FMN1: variants seen among roughly 807,000 people sequenced by gnomAD.
FMN1 encodes the protein formin 1.
Under a neutral mutation model 132.4 loss-of-function variants are expected in FMN1, and 110 were observed. That is an observed-to-expected ratio of 0.83 (90% CI 0.71 to 0.97). FMN1 has a LOEUF of 0.97. Ranked by LOEUF, FMN1 falls within the 50% of genes least tolerant of loss-of-function variation. The pLI, the probability that FMN1 is intolerant of heterozygous loss-of-function variation, is 0.00. For synonymous variants in FMN1, 722 were observed against 651.7 expected (o/e 1.11, Z -1.64); for missense variants, 1,792 against 1,705.3 (o/e 1.05, Z -0.90).
intron 9 of FMN1, among the ~76,000 whole-genome samples, chr15:32,960,625 C>T (rs930312208): frequency 5.3e-5 from 8 of 151,954 alleles, no homozygotes; most frequent in Non-Finnish European, 8.8e-5. Flanking sequence ...CTTTTTTCCC[C>T]TGTAATTTGC....
intron 17 of FMN1, among the ~76,000 whole-genome samples, chr15:32,810,399 CTA>C (rs2057832979): frequency 6.6e-6 from 1 of 152,190 alleles, no homozygotes; most frequent in Non-Finnish European, 1.5e-5. Flanking sequence ...TATGCCCATC[CTA>C]TGTCCTGCTT....
At chr15:33,063,822 TG>T (rs571346137) in intron 6 of FMN1, 48 of 152,372 alleles carry the variant, frequency 3.2e-4, no homozygotes, top group African/African-American at 1.1e-3. Flanking sequence ...TCTGCTCAGA[TG>T]AAACAATCAT....
intron 6 of FMN1, among the ~76,000 whole-genome samples, chr15:33,023,073 AAAAAG>A (rs1461806046): frequency 1.3e-5 from 1 of 78,774 alleles, no homozygotes; most frequent in African/African-American, 4.5e-5. Flanking sequence ...AAAAAAAAAA[AAAAAG>A]AAAAAAAAGA....
At chr15:33,112,335 T>C (rs1382895974) in intron 4 of FMN1, among the ~76,000 whole-genome samples, 1 of 152,178 alleles carries the variant, frequency 6.6e-6, no homozygotes, top group Non-Finnish European at 1.5e-5. Context: ...ACCTTTGTTA[T>C]TTAAAAACAC....
chr15:33,154,702 G>A lies in FMN1; in HGVS notation c.213C>T (p.Gly71=), dbSNP rs796904990. Residue 71 remains glycine, a synonymous_variant, in exon 4 of 21, where the codon GGC becomes GGT. Coordinates refer to ENST00000616417, the MANE Select transcript of FMN1 (RefSeq NM_001277313.2). The stretch of plus-strand genomic sequence containing the variant: ...TGGGAGTCTGCTTGAAAAATATGTC[G>A]CCTGGATGTTCGTCCGGCTCCTGGC... ...SLSQEPDEHP[G]DIFFKQTPTK... 20 of 1,536,052 alleles carry A rather than the reference G, an allele frequency of 1.3e-5. No individual in the cohort carries two copies. The highest frequency in any genetic ancestry group is 8.2e-5 in the African/African-American group (6 of 73,122).
At chr15:32,993,313 AATT>A (rs537809148) in intron 7 of FMN1, among the ~76,000 whole-genome samples, 26 of 152,330 alleles carry the variant, frequency 1.7e-4, no homozygotes, top group African/African-American at 6.3e-4. Flanking sequence ...CAAATTTGAA[AATT>A]ATCATTGTTC....
chr15:32,818,877 G>A (rs918057734), intron 17 of FMN1, among the ~76,000 whole-genome samples: 2 of 151,062 alleles, frequency 1.3e-5, no homozygotes, highest in African/African-American at 4.9e-5. Flanking sequence ...TCTCCTGTAC[G>A]CAGGAGCCTG....
intron 3 of FMN1, among the ~76,000 whole-genome samples, chr15:33,165,390 G>T (rs1051126060): frequency 6.6e-5 from 10 of 152,130 alleles, no homozygotes; most frequent in African/African-American, 2.4e-4. Context: ...GTTTAAGTAG[G>T]TTTTTCTTTC....
At chr15:32,856,569 G>T (rs1431992634) in intron 17 of FMN1, among the ~76,000 whole-genome samples, 1 of 152,166 alleles carries the variant, frequency 6.6e-6, no homozygotes, top group Non-Finnish European at 1.5e-5. Context: ...TATCTGAAAA[G>T]GAATGGAAAA....
intron 17 of FMN1, among the ~76,000 whole-genome samples, chr15:32,811,992 G>A (rs1197513832): frequency 1.3e-5 from 2 of 150,212 alleles, no homozygotes; most frequent in Non-Finnish European, 2.9e-5. Context: ...CCCCTTAAGT[G>A]AATTGGAGTA....
At chr15:32,945,084 G>A (rs560057111) in intron 9 of FMN1, among the ~76,000 whole-genome samples, 1 of 152,220 alleles carries the variant, frequency 6.6e-6, no homozygotes, top group East Asian at 1.9e-4. Context: ...AACTAATACA[G>A]GGGCTGATAT....
chr15:32,949,970 C>CGT (rs1555503146), intron 9 of FMN1, among the ~76,000 whole-genome samples: 26 of 8,714 alleles, frequency 3.0e-3, no homozygotes, highest in African/African-American at 9.3e-3. Flanking sequence ...TATATACACA[C>CGT]ATATATATAC....
rs369671849 is a variant in FMN1 at position 32,935,091 on chromosome 15, T to C, written c.3139-8830A>G. On this transcript the variant is annotated intron_variant, in intron 9 of 20. Coordinates refer to ENST00000616417, the MANE Select transcript of FMN1 (RefSeq NM_001277313.2). ...CACGCACCACCATGCCTGGCTAATT[T>C]TTTGTATTTTTAGTAGAGATGGGGT... Among the ~76,000 whole-genome samples, 8 of 151,930 alleles carry C rather than the reference T, an allele frequency of 5.3e-5. No individual in the cohort carries two copies. The South Asian group carries it at 8.3e-4, about 16-fold the overall frequency.
intron 3 of FMN1, among the ~76,000 whole-genome samples, chr15:33,165,304 T>C (rs1156368076): frequency 6.6e-6 from 1 of 152,262 alleles, no homozygotes; most frequent in Non-Finnish European, 1.5e-5. Flanking sequence ...TGGTTGCATA[T>C]GTTACATCAA....
At chr15:33,055,549 A>G (rs1414241868) in intron 6 of FMN1, among the ~76,000 whole-genome samples, 1 of 152,214 alleles carries the variant, frequency 6.6e-6, no homozygotes, top group Admixed American at 6.5e-5. Flanking sequence ...AGGCTTTTCA[A>G]TAAACAATTC....
rs78568183 is a variant in FMN1 at position 33,032,215 on chromosome 15, T to C, written c.2162-24140A>G. On this transcript the variant is annotated intron_variant, in intron 6 of 20. Coordinates refer to ENST00000616417, the MANE Select transcript of FMN1 (RefSeq NM_001277313.2). Reference sequence around the variant, plus strand: ...GAAAAGCAGACTACCTTTTGGGAGGTTGATTTGGTAGCTGGCATGCAACAC... The same window carrying C: ...GAAAAGCAGACTACCTTTTGGGAGGCTGATTTGGTAGCTGGCATGCAACAC... 3.0e-4 allele frequency among the ~76,000 whole-genome samples: 46 copies of C among 152,274 alleles called. No homozygotes were observed. In the East Asian group the frequency reaches 7.9e-3, roughly 26 times the overall value.
chr15:32,994,759 A>C (rs1382139463), intron 7 of FMN1, among the ~76,000 whole-genome samples: 1 of 55,528 alleles, frequency 1.8e-5, no homozygotes. Context: ...AAGTTCATAA[A>C]GCATTATTTT....
chr15:32,979,405 A>C (rs898113017), intron 7 of FMN1, among the ~76,000 whole-genome samples: 3 of 151,934 alleles, frequency 2.0e-5, no homozygotes, highest in African/African-American at 7.2e-5. Context: ...AAATACAAAA[A>C]ATTAGCCGGG....
chr15:33,032,426 T>G (rs545184571), intron 6 of FMN1, among the ~76,000 whole-genome samples: 1 of 152,344 alleles, frequency 6.6e-6, no homozygotes, highest in South Asian at 2.1e-4. Flanking sequence ...CTTGTAATAC[T>G]CCATAGTTAT....
Sources: allele counts gnomAD v4.1 joint callset (sites outside exome capture counted in the v4.1 genomes callset), GRCh38; gene constraint gnomAD v4.1.1; transcripts MANE v1.5; gene names NCBI Gene and HGNC (gene_info 2026-07-23, HGNC 2026-07-21).